ANKS1B: variants seen among roughly 807,000 people sequenced by gnomAD.
ANKS1B encodes ankyrin repeat and sterile alpha motif domain containing 1B.
A neutral mutation model predicts 148.3 loss-of-function variants in ANKS1B; 36 were observed. The observed-to-expected ratio is 0.24, with a 90% CI of 0.19 to 0.32. The LOEUF is 0.32. Ranked by LOEUF, ANKS1B falls within the 10% of genes least tolerant of loss-of-function variation. The probability of loss-of-function intolerance (pLI) is 1.00; values close to 1 mark genes in which losing one functional copy is unlikely to be tolerated. For synonymous variants in ANKS1B, 542 were observed against 560.8 expected (o/e 0.97, Z 0.47); for missense variants, 1,157 against 1,542.6 (o/e 0.75, Z 4.19).
At chr12:99,813,411 T>C (rs1033922510) in intron 2 of ANKS1B, among the ~76,000 whole-genome samples, 2 of 151,116 alleles carry the variant, frequency 1.3e-5, no homozygotes, top group Non-Finnish European at 3.0e-5. Context: ...CAATATATAA[T>C]AAAGTTGTTT....
At chr12:99,312,697 T>C (rs908692100) in intron 12 of ANKS1B, among the ~76,000 whole-genome samples, 1 of 152,118 alleles carries the variant, frequency 6.6e-6, no homozygotes, top group African/African-American at 2.4e-5. Flanking sequence ...AAGTCAAGGG[T>C]AAGGGTATTT....
chr12:99,489,857 A>G (rs912523912), intron 10 of ANKS1B, among the ~76,000 whole-genome samples: 1 of 152,228 alleles, frequency 6.6e-6, no homozygotes, highest in African/African-American at 2.4e-5. Flanking sequence ...AATAAATTGA[A>G]TGGTTCTATG....
At chr12:99,115,035 T>G (rs1440065596) in intron 15 of ANKS1B, among the ~76,000 whole-genome samples, 1 of 152,170 alleles carries the variant, frequency 6.6e-6, no homozygotes, top group African/African-American at 2.4e-5. Flanking sequence ...GATCATAAAT[T>G]TGTTCAACCA....
At chr12:99,659,080 C>T (rs944111324) in intron 8 of ANKS1B, among the ~76,000 whole-genome samples, 3 of 152,010 alleles carry the variant, frequency 2.0e-5, no homozygotes, top group African/African-American at 7.3e-5. Flanking sequence ...ATCAAGATTG[C>T]CATTTTAGCT....
chr12:99,917,823 C>A (rs1372845053), intron 1 of ANKS1B, among the ~76,000 whole-genome samples: 4 of 152,232 alleles, frequency 2.6e-5, no homozygotes, highest in Admixed American at 6.5e-5. Context: ...CAGAGGTCCC[C>A]AATCTCCAGC....
In ANKS1B at chr12:99,782,107, A is replaced by C; in HGVS notation, c.670-10T>G. ...CACTCCCCTTTTCTGTCTGGAAAAAAAAAAGTAAGAAAAAAGAAAGCACGG... is the reference window on the plus strand; with the variant it reads ...CACTCCCCTTTTCTGTCTGGAAAAACAAAAGTAAGAAAAAAGAAAGCACGG... On this transcript the variant is annotated splice_polypyrimidine_tract_variant and intron_variant, in intron 4 of 26. Coordinates refer to ENST00000683438, the MANE Select transcript of ANKS1B (RefSeq NM_001352186.2). The C allele has an allele frequency of 1.9e-6, 3 of 1,577,744 alleles. No homozygotes were observed. Among genetic ancestry groups the C allele is most frequent in the Non-Finnish European group, 2.6e-6 (3 of 1,163,700 alleles).
chr12:99,297,786 A>G (rs1445220578), intron 12 of ANKS1B, among the ~76,000 whole-genome samples: 1 of 152,106 alleles, frequency 6.6e-6, no homozygotes, highest in Non-Finnish European at 1.5e-5. Context: ...GCCTTCTCAA[A>G]CCTGATTATT....
Position 99,154,353 on chromosome 12 carries a change from C to T in ANKS1B, c.2462G>A (p.Ser821Asn), listed in dbSNP as rs1254725306. The T allele has an allele frequency of 6.2e-7, 1 of 1,613,774 alleles. No homozygotes were observed. The highest frequency in any genetic ancestry group is 1.1e-5 in the South Asian group (1 of 91,084). Reference protein sequence around the residue: ...PVQTVGQWLESIGLPQYENHL... With the variant: ...PVQTVGQWLENIGLPQYENHL... ...GTTCTCGTACTGAGGTAGCCCAATG[C>T]TTTCCAACCATTGTCCCACTGTTTG... Residue 821 changes from serine to asparagine, a missense_variant, in exon 15 of 27, where the codon AGC (serine) becomes AAC (asparagine). Physicochemically the swap from Ser to Asn is conservative, Grantham distance 46. Around this residue, in one of 6 missense-constraint regions of ANKS1B, gnomAD observed 258 missense variants for 497.0 expected, o/e 0.52. Coordinates refer to ENST00000683438, the MANE Select transcript of ANKS1B (RefSeq NM_001352186.2).
intron 12 of ANKS1B, among the ~76,000 whole-genome samples, chr12:99,272,205 A>G (rs900134108): frequency 6.6e-6 from 1 of 152,192 alleles, no homozygotes; most frequent in African/African-American, 2.4e-5. Context: ...TATAATGACC[A>G]TAAGTGATTG....
At chr12:99,560,741 T>C (rs1278405910) in intron 9 of ANKS1B, among the ~76,000 whole-genome samples, 1 of 152,156 alleles carries the variant, frequency 6.6e-6, no homozygotes, top group Admixed American at 6.5e-5. Context: ...TATAATCTTT[T>C]TGCTGGTGGA....
intron 17 of ANKS1B, among the ~76,000 whole-genome samples, chr12:98,995,412 G>A (rs1023662554): frequency 6.6e-6 from 1 of 152,054 alleles, no homozygotes; most frequent in Non-Finnish European, 1.5e-5. Flanking sequence ...CCAACATGGT[G>A]AAACCCCATC....
chr12:99,216,226 A>T (rs981570093), intron 14 of ANKS1B, among the ~76,000 whole-genome samples: 2 of 152,168 alleles, frequency 1.3e-5, no homozygotes, highest in Non-Finnish European at 2.9e-5. Context: ...GAGTCCATTA[A>T]ACCTCTTTTT....
At chr12:99,566,995 C>G (rs1243564759) in intron 9 of ANKS1B, among the ~76,000 whole-genome samples, 2 of 152,170 alleles carry the variant, frequency 1.3e-5, no homozygotes, top group African/African-American at 4.8e-5. Flanking sequence ...TAAAACAACA[C>G]TCAGTCAGTT....
chr12:99,974,685 G>A (rs1310651805), intron 1 of ANKS1B, among the ~76,000 whole-genome samples: 3 of 151,922 alleles, frequency 2.0e-5, no homozygotes, highest in African/African-American at 7.2e-5. Context: ...CAACCCAGGA[G>A]TTCAAGAACA....
intron 9 of ANKS1B, among the ~76,000 whole-genome samples, chr12:99,519,493 C>T (rs558839898): frequency 5.3e-5 from 8 of 152,138 alleles, no homozygotes; most frequent in Admixed American, 3.9e-4. Flanking sequence ...TCTGACTTGT[C>T]TTATAGTTTT....
chr12:99,459,523 CA>C (rs1362421326), intron 10 of ANKS1B, among the ~76,000 whole-genome samples: 3 of 151,996 alleles, frequency 2.0e-5, no homozygotes, highest in African/African-American at 7.2e-5. Flanking sequence ...AAGGCTTATA[CA>C]AAAAGTTCCT....
chr12:98,981,733 G>A (rs1257294962), intron 17 of ANKS1B, among the ~76,000 whole-genome samples: 4 of 152,204 alleles, frequency 2.6e-5, no homozygotes, highest in African/African-American at 7.2e-5. Flanking sequence ...ACCCTTAGAT[G>A]AAATAATTCT....
chr12:99,922,598 C>A (rs1299593266), intron 1 of ANKS1B, among the ~76,000 whole-genome samples: 1 of 152,106 alleles, frequency 6.6e-6, no homozygotes, highest in African/African-American at 2.4e-5. Flanking sequence ...ACAAAGAAGA[C>A]AAGGACTCTA....
At chr12:98,967,140 G>A (rs1477262262) in intron 17 of ANKS1B, among the ~76,000 whole-genome samples, 2 of 152,078 alleles carry the variant, frequency 1.3e-5, no homozygotes, top group East Asian at 3.8e-4. Flanking sequence ...AGCTGTTCAG[G>A]GTGCTTTGAC....
Sources: allele counts gnomAD v4.1 joint callset (sites outside exome capture counted in the v4.1 genomes callset), GRCh38; gene constraint gnomAD v4.1.1; regional missense constraint gnomAD v4.1.1; transcripts MANE v1.5; gene names NCBI Gene and HGNC (gene_info 2026-07-23, HGNC 2026-07-21).